Variants in ADCY2 observed in about 807,000 individuals in gnomAD.
ADCY2 encodes adenylate cyclase 2, also known as adenylate cyclase type 2.
ADCY2 carries 31 observed loss-of-function variants against 125.2 expected under a neutral mutation model. That is an observed-to-expected ratio of 0.25 (90% CI 0.19 to 0.33). The LOEUF is 0.33. Among genes scored for constraint, ADCY2 ranks in the 10% least tolerant of loss-of-function variants. The probability of loss-of-function intolerance (pLI) is 1.00; values close to 1 mark genes in which losing one functional copy is unlikely to be tolerated. For missense variants in ADCY2, 904 were observed against 1,418.2 expected (o/e 0.64, Z 5.82); for synonymous variants, 512 against 548.4 (o/e 0.93, Z 0.93).
intron 2 of ADCY2, among the ~76,000 whole-genome samples, chr5:7,448,897 T>C (rs1461828378): frequency 1.3e-5 from 2 of 152,242 alleles, no homozygotes; most frequent in Admixed American, 1.3e-4. Flanking sequence ...TTTTGATTGA[T>C]TTCATGTCTT....
chr5:7,772,868 T>C, intron 17 of ADCY2, 64 bp from the exon 18 acceptor site: 4 of 1,514,916 alleles, frequency 2.6e-6, no homozygotes, highest in Non-Finnish European at 3.6e-6. Flanking sequence ...CCCCTGATTG[T>C]AATTGTTTCA....
intron 5 of ADCY2, chr5:7,691,628 G>C (rs1740707215): frequency 6.6e-6 from 1 of 152,212 alleles, no homozygotes; most frequent in African/African-American, 2.4e-5. Context: ...GGCCCACCCA[G>C]ACCGTCTCGA....
At chr5:7,469,293 A>T (rs74932262) in intron 2 of ADCY2, among the ~76,000 whole-genome samples, 2,448 of 152,102 alleles carry the variant, frequency 0.016, 50 homozygotes, top group African/African-American at 0.056. Context: ...ATATGAGTAC[A>T]TTCATTTTTA....
chr5:7,654,197 G>T, intron 4 of ADCY2: 1 of 454,276 alleles, frequency 2.2e-6, no homozygotes, highest in South Asian at 1.6e-5. Context: ...GGAAAGCCAG[G>T]TGAGCATGGT....
In ADCY2 at chr5:7,659,144, A is replaced by G. The variant is rs1739441971; in HGVS notation, c.721-31547A>G. 2.6e-5 allele frequency among the ~76,000 whole-genome samples: 4 copies of G among 152,370 alleles called. No homozygotes were observed. In the South Asian group the frequency reaches 8.3e-4, roughly 32 times the overall value. On this transcript the variant is annotated intron_variant, in intron 4 of 24. Transcript: ENST00000338316. ...AATGTGCTAATACTCAGATTCTGAG[A>G]TGAAAGAAACGAGAAATGCTGCTGG...
chr5:7,820,032 C>T (rs956353757), intron 23 of ADCY2, among the ~76,000 whole-genome samples: 19 of 152,234 alleles, frequency 1.2e-4, no homozygotes, highest in African/African-American at 4.6e-4. Flanking sequence ...GTGCTCTGAC[C>T]TGTGCCAGAG....
At chr5:7,543,946 G>A (rs139513622) in intron 3 of ADCY2, among the ~76,000 whole-genome samples, 4 of 149,736 alleles carry the variant, frequency 2.7e-5, no homozygotes, top group African/African-American at 7.4e-5. Context: ...CCCGGGAGTC[G>A]GAGGTTGCAG....
intron 3 of ADCY2, among the ~76,000 whole-genome samples, chr5:7,539,587 G>T (rs1320168521): frequency 6.6e-6 from 1 of 152,210 alleles, no homozygotes; most frequent in African/African-American, 2.4e-5. Context: ...TCACTCAACT[G>T]TGAAGTTGTC....
chr5:7,644,661 A>G (rs1561141905), intron 4 of ADCY2, among the ~76,000 whole-genome samples: 1 of 151,874 alleles, frequency 6.6e-6, no homozygotes, highest in African/African-American at 2.4e-5. Flanking sequence ...CACCCTCTCT[A>G]TTTCTGTGAA....
At chr5:7,632,578 G>C (rs548156824) in intron 4 of ADCY2, among the ~76,000 whole-genome samples, 2 of 151,420 alleles carry the variant, frequency 1.3e-5, no homozygotes, top group African/African-American at 4.8e-5. Context: ...CACTTTACTT[G>C]AAAACTGAAA....
chr5:7,659,612 C>G (rs998924004), intron 4 of ADCY2, among the ~76,000 whole-genome samples: 1 of 152,220 alleles, frequency 6.6e-6, no homozygotes, highest in Non-Finnish European at 1.5e-5. Context: ...TAACAGGACA[C>G]TTGTGGGACC....
At position 7,624,485 on chromosome 5, in the gene ADCY2, A is replaced by T. The variant is rs567917993; in HGVS notation, c.571-1682A>T. 8.5e-5 allele frequency among the ~76,000 whole-genome samples: 13 copies of T among 152,276 alleles called. No individual in the cohort carries two copies. The South Asian group carries it at 2.1e-3, about 24-fold the overall frequency. On this transcript the variant is annotated intron_variant, in intron 3 of 24. Transcript: ENST00000338316. ...GCTTGGCTGAGAATGCAGGACATGG[A>T]GATGACCACCCACTTCAGGGAGGAA...
At chr5:7,596,859 A>T (rs2126631095) in intron 3 of ADCY2, among the ~76,000 whole-genome samples, 1 of 152,336 alleles carries the variant, frequency 6.6e-6, no homozygotes, top group South Asian at 2.1e-4. Context: ...AGTAAATTAG[A>T]GTAGTCGTTG....
At chr5:7,613,923 A>G (rs77335563) in intron 3 of ADCY2, among the ~76,000 whole-genome samples, 34,085 of 152,202 alleles carry the variant, frequency 0.22, 5,071 homozygotes, top group Non-Finnish European at 0.33. Flanking sequence ...TGTACAAAAG[A>G]ATATGCCTCT....
At chr5:7,671,876 G>T (rs777535021) in intron 4 of ADCY2, among the ~76,000 whole-genome samples, 3 of 152,134 alleles carry the variant, frequency 2.0e-5, no homozygotes, top group Non-Finnish European at 4.4e-5. Context: ...GTGTTAGTCC[G>T]GCCCCTTCAT....
chr5:7,822,759 T>G (rs1214587252), intron 24 of ADCY2, among the ~76,000 whole-genome samples: 1 of 152,174 alleles, frequency 6.6e-6, no homozygotes, highest in East Asian at 1.9e-4. Context: ...TGCTGAACAC[T>G]CTATTTGTCT....
At position 7,607,835 on chromosome 5, in the gene ADCY2, A is replaced by G. The variant is rs73050112; in HGVS notation, c.571-18332A>G. Reference sequence around the variant, plus strand: ...GAAAGATACATAAACTAAGAAGGCCATATTTGAATCTGTGGCTAGTGGAGT... The same window carrying G: ...GAAAGATACATAAACTAAGAAGGCCGTATTTGAATCTGTGGCTAGTGGAGT... On this transcript the variant is annotated intron_variant, in intron 3 of 24. Transcript: ENST00000338316. 7.9e-3 allele frequency among the ~76,000 whole-genome samples: 1,205 copies of G among 152,334 alleles called. 18 individuals are homozygous for G. Among genetic ancestry groups the G allele is most frequent in the African/African-American group, 0.027 (1,136 of 41,584 alleles).
Position 7,707,821 on chromosome 5 carries a change from T to C in ADCY2, c.1384T>C (p.Phe462Leu). Residue 462 changes from phenylalanine (F) to leucine (L), a missense_variant, in exon 9 of 25, where the codon TTT becomes CTT. By Grantham distance (22) the Phe-to-Leu change is conservative. Around this residue, in one of 7 missense-constraint regions of ADCY2, gnomAD observed 144 missense variants for 227.7 expected, o/e 0.63. Transcript: ENST00000338316. ...AAAACAGCACCTGGTGAAAACCTACTTTGTGATCAACCCCAAGGTCAGTAT... is the reference window on the plus strand; with the variant it reads ...AAAACAGCACCTGGTGAAAACCTACCTTGTGATCAACCCCAAGGTCAGTAT... ...YLKQHLVKTY[F>L]VINPKGERRS... The C allele has an allele frequency of 6.2e-7, 1 of 1,614,162 alleles. No individual in the cohort carries two copies. Among genetic ancestry groups the C allele is most frequent in the Non-Finnish European group, 8.5e-7 (1 of 1,180,022 alleles).
chr5:7,446,364 G>A (rs1741249526), intron 2 of ADCY2, among the ~76,000 whole-genome samples: 1 of 152,076 alleles, frequency 6.6e-6, no homozygotes, highest in African/African-American at 2.4e-5. Context: ...TAAATTTCAT[G>A]ATGTGTGATA....
Sources: gnomAD v4.1 joint callset for allele counts (sites outside exome capture counted in the v4.1 genomes callset) on GRCh38, gnomAD v4.1.1 for gene constraint, gnomAD v4.1.1 regional missense constraint, MANE v1.5 for transcripts, NCBI Gene and HGNC (gene_info 2026-07-23, HGNC 2026-07-21) for gene names.